The following MAGI2 variants were observed in gnomAD, a reference collection of about 807,000 sequenced individuals.
MAGI2 encodes the protein membrane-associated guanylate kinase, WW and PDZ domain-containing protein 2.
MAGI2 carries 35 observed loss-of-function variants against 133.3 expected under a neutral mutation model. The observed-to-expected ratio is 0.26, with a 90% CI of 0.20 to 0.35. The LOEUF (loss-of-function observed/expected upper bound fraction) is 0.35, where lower values mean the gene tolerates loss of function less well. Ranked by LOEUF, MAGI2 falls within the 10% of genes least tolerant of loss-of-function variation. The pLI is 1.00. For synonymous variants in MAGI2, 729 were observed against 710.6 expected, an observed-to-expected ratio of 1.03 and a Z score of -0.41; for missense variants, 1,636 against 1,863.4, an observed-to-expected ratio of 0.88 and a Z score of 2.25.
At chr7:78,792,178 C>A (rs1229586098) in intron 2 of MAGI2, among the ~76,000 whole-genome samples, 10 of 152,026 alleles carry the variant, frequency 6.6e-5, no homozygotes, top group African/African-American at 2.2e-4. Flanking sequence ...AGACTTTATC[C>A]CTGCTGGCTG....
intron 3 of MAGI2, among the ~76,000 whole-genome samples, chr7:78,552,293 C>T (rs1584602000): frequency 6.7e-6 from 1 of 149,200 alleles, no homozygotes; most frequent in African/African-American, 2.5e-5. Flanking sequence ...AAGCAGTTCT[C>T]CTGACTCAGC....
chr7:79,221,943 A>G (rs1488906176), intron 1 of MAGI2, among the ~76,000 whole-genome samples: 1 of 151,992 alleles, frequency 6.6e-6, no homozygotes, highest in Non-Finnish European at 1.5e-5. Flanking sequence ...ATTAAAGATA[A>G]TTTTTATGCT....
intron 2 of MAGI2, among the ~76,000 whole-genome samples, chr7:78,893,143 T>G (rs1796909909): frequency 6.6e-6 from 1 of 151,628 alleles, no homozygotes; most frequent in Admixed American, 6.6e-5. Flanking sequence ...TCATCATCAC[T>G]GGCCATCAGA....
At chr7:79,266,247 A>AC (rs1834448677) in intron 1 of MAGI2, among the ~76,000 whole-genome samples, 1 of 18,032 alleles carries the variant, frequency 5.5e-5, no homozygotes, top group Non-Finnish European at 1.2e-4. Context: ...CCCCACCCCC[A>AC]CCCCCACCCC....
At chr7:79,136,068 G>GAAAGAAAGAAGGAAA (rs1821480191) in intron 1 of MAGI2, among the ~76,000 whole-genome samples, 8 of 94,662 alleles carry the variant, frequency 8.5e-5, no homozygotes, top group African/African-American at 3.8e-4. Flanking sequence ...AAAGAAAGAA[G>GAAAGAAAGAAGGAAA]GAAAGAAAGA....
In MAGI2 at chr7:79,230,038, C is replaced by T. The variant is rs570708991; in HGVS notation, c.302-222832G>A. ...ATTCCCACCTATGAGTGAGAATATGCGGTGTTTGGTTTTTTGTTCTTGCGA... is the reference window on the plus strand; with the variant it reads ...ATTCCCACCTATGAGTGAGAATATGTGGTGTTTGGTTTTTTGTTCTTGCGA... On this transcript the variant is annotated intron_variant, in intron 1 of 21. Transcript: ENST00000354212. Among the ~76,000 whole-genome samples, 1,127 of 146,926 alleles carry T rather than the reference C, an allele frequency of 7.7e-3. 6 individuals carry two copies. The highest frequency in any genetic ancestry group is 0.012 in the Non-Finnish European group (788 of 66,892).
chr7:78,788,081 C>G lies in MAGI2; in HGVS notation c.419-160842G>C, dbSNP rs145300700. The stretch of plus-strand genomic sequence containing the variant: ...CATGCCCTGACAGATCCTGGATGAG[C>G]TTGTGCAAAGCAGTGATCAATTTTA... On this transcript the variant is annotated intron_variant, in intron 2 of 21. Coordinates refer to ENST00000354212, the MANE Select transcript of MAGI2 (RefSeq NM_012301.4). 6.5e-3 allele frequency among the ~76,000 whole-genome samples: 990 copies of G among 152,286 alleles called. 14 individuals carry two copies. The highest frequency in any genetic ancestry group is 0.022 in the African/African-American group (934 of 41,558).
At chr7:79,074,189 GAAAT>G (rs1815250371) in intron 1 of MAGI2, among the ~76,000 whole-genome samples, 1 of 152,072 alleles carries the variant, frequency 6.6e-6, no homozygotes, top group African/African-American at 2.4e-5. Flanking sequence ...GCTTTTTGTT[GAAAT>G]AATAACCAAA....
chr7:78,368,311 CAGAA>C (rs1793588766), intron 7 of MAGI2, among the ~76,000 whole-genome samples: 1 of 152,128 alleles, frequency 6.6e-6, no homozygotes, highest in Non-Finnish European at 1.5e-5. Context: ...AACTATTAAA[CAGAA>C]TGTGGTTGGA....
At chr7:79,420,370 A>G (rs1458961090) in intron 1 of MAGI2, among the ~76,000 whole-genome samples, 1 of 152,012 alleles carries the variant, frequency 6.6e-6, no homozygotes, top group Admixed American at 6.6e-5. Flanking sequence ...AAACTACTCA[A>G]AGTGATGCCC....
At chr7:78,812,195 C>T (rs1789124428) in intron 2 of MAGI2, among the ~76,000 whole-genome samples, 1 of 152,132 alleles carries the variant, frequency 6.6e-6, no homozygotes, top group South Asian at 2.1e-4. Context: ...ACCCATGTCA[C>T]ACCTCTAAAC....
intron 9 of MAGI2, among the ~76,000 whole-genome samples, chr7:78,287,893 C>T (rs766033901): frequency 1.3e-5 from 2 of 152,104 alleles, no homozygotes; most frequent in Admixed American, 6.6e-5. Context: ...AAATCAGTTA[C>T]CTATTCCATT....
chr7:78,598,596 T>C (rs868025559), intron 3 of MAGI2, among the ~76,000 whole-genome samples: 6 of 152,180 alleles, frequency 3.9e-5, no homozygotes, highest in South Asian at 2.1e-4. Context: ...AATAAAATGA[T>C]TGGATTAGTA....
At chr7:79,447,524 G>A (rs993460285) in intron 1 of MAGI2, among the ~76,000 whole-genome samples, 1 of 151,952 alleles carries the variant, frequency 6.6e-6, no homozygotes, top group South Asian at 2.1e-4. Context: ...TTAATTCAAC[G>A]AAAATGCTAA....
intron 1 of MAGI2, among the ~76,000 whole-genome samples, chr7:79,107,505 T>C (rs1330493348): frequency 6.6e-6 from 1 of 152,184 alleles, no homozygotes; most frequent in Non-Finnish European, 1.5e-5. Context: ...GTTGAGGAGA[T>C]AGATCTGTGA....
intron 16 of MAGI2, among the ~76,000 whole-genome samples, chr7:78,148,703 G>A (rs942704290): frequency 6.6e-6 from 1 of 152,076 alleles, no homozygotes; most frequent in Non-Finnish European, 1.5e-5. Flanking sequence ...GGGGAAGCAG[G>A]CAGCATAGTC....
intron 9 of MAGI2, among the ~76,000 whole-genome samples, chr7:78,278,675 T>C (rs568428109): frequency 1.3e-5 from 2 of 152,322 alleles, no homozygotes; most frequent in South Asian, 4.1e-4. Context: ...GTTGATACTT[T>C]GGCCAGGTCT....
intron 9 of MAGI2, among the ~76,000 whole-genome samples, chr7:78,257,631 TG>T (rs988308877): frequency 6.6e-6 from 1 of 152,216 alleles, no homozygotes; most frequent in African/African-American, 2.4e-5. Context: ...TTGAGATAAA[TG>T]TTTTTTTAAA....
chr7:78,458,939 CT>C (rs1046286963), intron 6 of MAGI2, among the ~76,000 whole-genome samples: 1 of 152,104 alleles, frequency 6.6e-6, no homozygotes, highest in African/African-American at 2.4e-5. Flanking sequence ...GGGCTCATTA[CT>C]TTTTTTCTGA....
Sources: gnomAD v4.1 joint callset for allele counts (sites outside exome capture counted in the v4.1 genomes callset) on GRCh38, gnomAD v4.1.1 for gene constraint, MANE v1.5 for transcripts, NCBI Gene and HGNC (gene_info 2026-07-23, HGNC 2026-07-21) for gene names.